The following PDHX variants were observed in gnomAD, a reference collection of about 807,000 sequenced individuals.
PDHX encodes the protein pyruvate dehydrogenase protein X component, mitochondrial.
In PDHX, 33 loss-of-function variants were observed where a neutral mutation model predicts 55.3. The observed-to-expected ratio is 0.60, with a 90% CI of 0.45 to 0.80. The LOEUF (loss-of-function observed/expected upper bound fraction) is 0.80. Among genes scored for constraint, PDHX ranks in the 30% least tolerant of loss-of-function variants. PDHX has a pLI of 0.00. For synonymous variants in PDHX, 226 were observed against 219.4 expected (o/e 1.03, Z -0.27); for missense variants, 622 against 619.9 (o/e 1.00, Z -0.04).
At chr11:34,935,218 A>C (rs942974564) in intron 2 of PDHX, among the ~76,000 whole-genome samples, 1 of 152,062 alleles carries the variant, frequency 6.6e-6, no homozygotes, top group African/African-American at 2.4e-5. Flanking sequence ...TAGTGCTTTC[A>C]GGATATAATT....
intron 3 of PDHX, among the ~76,000 whole-genome samples, chr11:34,948,576 T>G (rs963665167): frequency 6.0e-5 from 7 of 116,886 alleles, no homozygotes; most frequent in African/African-American, 3.6e-4. Flanking sequence ...TCTTTTCCTT[T>G]TTTTTTTTTT....
At chr11:34,957,106 T>C (rs559086674) in intron 3 of PDHX, among the ~76,000 whole-genome samples, 3 of 152,302 alleles carry the variant, frequency 2.0e-5, no homozygotes, top group African/African-American at 7.2e-5. Context: ...GGATCTTACA[T>C]GTTTATTTGA....
intron 2 of PDHX, among the ~76,000 whole-genome samples, chr11:34,946,259 C>T (rs1028017286): frequency 2.6e-5 from 4 of 151,742 alleles, no homozygotes; most frequent in Admixed American, 6.6e-5. Flanking sequence ...ATTTCTAATT[C>T]GTTTTTTTAT....
intron 1 of PDHX, among the ~76,000 whole-genome samples, chr11:34,918,585 A>C (rs137967996): frequency 1.3e-5 from 2 of 152,304 alleles, no homozygotes; most frequent in African/African-American, 4.8e-5. Context: ...TGTCTACCCC[A>C]GTTTGAATAC....
At chr11:34,917,952 T>G (rs957735946) in intron 1 of PDHX, among the ~76,000 whole-genome samples, 7 of 152,176 alleles carry the variant, frequency 4.6e-5, no homozygotes, top group Non-Finnish European at 8.8e-5. Flanking sequence ...TTGGATGAGT[T>G]TTGATGTTTT....
At chr11:34,967,141 C>T (rs993097939) in intron 6 of PDHX, among the ~76,000 whole-genome samples, 13 of 152,022 alleles carry the variant, frequency 8.6e-5, no homozygotes, top group Admixed American at 2.6e-4. Flanking sequence ...TGTGAATCAC[C>T]GCACCTGGCC....
intron 8 of PDHX, among the ~76,000 whole-genome samples, chr11:34,981,336 T>A (rs1316770400): frequency 6.6e-6 from 1 of 152,174 alleles, no homozygotes; most frequent in Non-Finnish European, 1.5e-5. Flanking sequence ...GAACTCATCA[T>A]TTTTTATGGC....
At chr11:34,989,453 C>T (rs769691217) in intron 9 of PDHX, among the ~76,000 whole-genome samples, 3 of 152,106 alleles carry the variant, frequency 2.0e-5, no homozygotes, top group Non-Finnish European at 4.4e-5. Context: ...TGAAGATTCC[C>T]CGAGGAATGT....
chr11:34,947,901 A>G (rs1395828719), intron 3 of PDHX, among the ~76,000 whole-genome samples: 1 of 152,182 alleles, frequency 6.6e-6, no homozygotes, highest in South Asian at 2.1e-4. Flanking sequence ...AAACATGACT[A>G]TTTAGCATTG....
chr11:34,926,377 TC>T (rs1478906600), intron 1 of PDHX, among the ~76,000 whole-genome samples: 1 of 152,196 alleles, frequency 6.6e-6, no homozygotes, highest in Non-Finnish European at 1.5e-5. Context: ...ACAGTCTCTC[TC>T]CCTATTAGAG....
chr11:34,966,919 T>G (rs758159112), intron 6 of PDHX, 105 bp downstream of exon 6: 2 of 984,338 alleles, frequency 2.0e-6, no homozygotes, highest in Non-Finnish European at 3.1e-6. Flanking sequence ...TGGCACAATC[T>G]TGGCTCACTG....
intron 3 of PDHX, among the ~76,000 whole-genome samples, chr11:34,956,833 A>G (rs1854914352): frequency 6.6e-6 from 1 of 152,144 alleles, no homozygotes; most frequent in Non-Finnish European, 1.5e-5. Context: ...GAAGTAGACT[A>G]TATTTAACAT....
At chr11:34,928,371 C>CT (rs56697214) in intron 1 of PDHX, among the ~76,000 whole-genome samples, 27,453 of 140,114 alleles carry the variant, frequency 0.2, 3,592 homozygotes, top group African/African-American at 0.39. Context: ...CACATTGGGA[C>CT]TTTTTTTTTT....
upstream of PDHX, chr11:34,916,586 A>G (rs1853711638): frequency 1.9e-6 from 3 of 1,583,262 alleles, no homozygotes; most frequent in East Asian, 4.5e-5. Context: ...GTGGCCAACC[A>G]TGCGGGAGGC....
At position 34,995,379 on chromosome 11, in the gene PDHX, T is replaced by G; in HGVS notation, c.*207T>G. The G allele has an allele frequency of 1.8e-6, 1 of 544,790 alleles. No individual in the cohort carries two copies. The highest frequency in any genetic ancestry group is 3.3e-6 in the Non-Finnish European group (1 of 305,660). The allele number at this position is 544,790 out of a possible 1,614,324, so 33.7% of individuals were successfully genotyped here. A position where few individuals can be genotyped will look rare whatever the true frequency, so the allele number is the denominator to read the frequency against. ...ATAAATGATGATAAACTCTAACTAA[T>G]AAAGGAAAGAGAATATTTGGTTACT... On this transcript the variant is annotated 3_prime_UTR_variant, in exon 11 of 11. Transcript: ENST00000227868.
chr11:34,916,932 C>G (rs1853732037), intron 1 of PDHX, 117 bp downstream of exon 1: 2 of 1,005,178 alleles, frequency 2.0e-6, no homozygotes, highest in Non-Finnish European at 3.0e-6. Context: ...TCCTTATTCC[C>G]TTTCCTCTTT....
intron 2 of PDHX, among the ~76,000 whole-genome samples, chr11:34,942,138 TA>T (rs1382536136): frequency 1.3e-5 from 2 of 152,208 alleles, no homozygotes; most frequent in Non-Finnish European, 2.9e-5. Context: ...GTTGTTTTCA[TA>T]CCCAGTGCTT....
intron 8 of PDHX, among the ~76,000 whole-genome samples, chr11:34,984,139 A>T (rs2025779): frequency 0.6 from 91,053 of 152,006 alleles, 28,817 homozygotes; most frequent in East Asian, 0.75. Context: ...GGGCCTGCTG[A>T]TATATATCCC....
chr11:34,976,636 G>C (rs1041006733), intron 7 of PDHX, among the ~76,000 whole-genome samples: 5 of 152,236 alleles, frequency 3.3e-5, no homozygotes, highest in South Asian at 2.1e-4. Flanking sequence ...TGAGAGGAAA[G>C]GAATAAAAAT....
Sources: allele counts gnomAD v4.1 joint callset (sites outside exome capture counted in the v4.1 genomes callset), GRCh38; gene constraint gnomAD v4.1.1; transcripts MANE v1.5; gene names NCBI Gene and HGNC (gene_info 2026-07-23, HGNC 2026-07-21).